Variants in COBL observed in about 807,000 individuals in gnomAD.
COBL encodes cordon-bleu WH2 repeat protein, also known as protein cordon-bleu.
In COBL, 51 loss-of-function variants were observed where a neutral mutation model predicts 98.8. That is an observed-to-expected ratio of 0.52 (90% CI 0.41 to 0.65). The LOEUF (loss-of-function observed/expected upper bound fraction) is 0.65. COBL is among the 30% of genes least tolerant of loss of function. The pLI is 0.00. For synonymous variants in COBL, 634 were observed against 651.7 expected (o/e 0.97, Z 0.41); for missense variants, 1,617 against 1,617.5 (o/e 1.00, Z 0.01).
At chr7:51,188,096 T>C (rs1789721632) in intron 4 of COBL, 3 of 665,818 alleles carry the variant, frequency 4.5e-6, no homozygotes, top group Non-Finnish European at 6.4e-6. Context: ...CTGGGTCAGC[T>C]TGCCTCTCTG....
intron 1 of COBL, among the ~76,000 whole-genome samples, chr7:51,257,849 A>T (rs1395456460): frequency 6.6e-6 from 1 of 152,176 alleles, no homozygotes; most frequent in Non-Finnish European, 1.5e-5. Flanking sequence ...CTAAAAGTTC[A>T]CTCAGATTTT....
intron 6 of COBL, among the ~76,000 whole-genome samples, chr7:51,105,851 C>T (rs1017549572): frequency 2.6e-5 from 4 of 151,906 alleles, no homozygotes; most frequent in African/African-American, 4.8e-5. Context: ...ACTTTAATTC[C>T]GCAGAATTTC....
At chr7:51,194,611 C>T (rs1192599619) in intron 2 of COBL, among the ~76,000 whole-genome samples, 1 of 152,156 alleles carries the variant, frequency 6.6e-6, no homozygotes, top group Non-Finnish European at 1.5e-5. Flanking sequence ...TCTCTGCAAC[C>T]TTACCAGCAT....
chr7:51,021,465 G>A (rs1786927263), intron 12 of COBL, among the ~76,000 whole-genome samples: 1 of 152,044 alleles, frequency 6.6e-6, no homozygotes, highest in Non-Finnish European at 1.5e-5. Context: ...CAAGGAGCTG[G>A]GACTACAGGC....
At chr7:51,058,304 T>A (rs1790969042) in intron 7 of COBL, among the ~76,000 whole-genome samples, 1 of 152,180 alleles carries the variant, frequency 6.6e-6, no homozygotes, top group Admixed American at 6.5e-5. Context: ...TCCCAGCACT[T>A]TGGGAGGCCG....
At chr7:51,184,285 C>T (rs1219083010) in intron 4 of COBL, 86 bp from the exon 5 acceptor site, 1 of 725,218 alleles carries the variant, frequency 1.4e-6, no homozygotes, top group Non-Finnish European at 2.2e-6. Context: ...TAAATGAATC[C>T]TCTACTCTTA....
At chr7:51,311,755 T>A (rs578235565) in intron 1 of COBL, among the ~76,000 whole-genome samples, 1 of 151,990 alleles carries the variant, frequency 6.6e-6, no homozygotes, top group East Asian at 1.9e-4. Context: ...CTCAAATAAA[T>A]GAAAATCATA....
chr7:51,221,455 C>G (rs1793631211), intron 1 of COBL, among the ~76,000 whole-genome samples: 2 of 152,186 alleles, frequency 1.3e-5, no homozygotes, highest in Non-Finnish European at 2.9e-5. Flanking sequence ...ATAATCTAAT[C>G]ATGCATCAAT....
chr7:51,083,367 C>G, intron 7 of COBL: 1 of 605,880 alleles, frequency 1.7e-6, no homozygotes, highest in Non-Finnish European at 2.8e-6. Flanking sequence ...CAGATCCAGT[C>G]ATATCCAGCA....
intron 12 of COBL, among the ~76,000 whole-genome samples, chr7:51,023,751 T>A (rs560730148): frequency 1.3e-5 from 2 of 152,340 alleles, no homozygotes; most frequent in East Asian, 1.9e-4. Flanking sequence ...TTCTCCATTG[T>A]GCCAGCAGTC....
intron 1 of COBL, among the ~76,000 whole-genome samples, chr7:51,310,762 G>A (rs987187624): frequency 1.3e-5 from 2 of 152,106 alleles, no homozygotes; most frequent in Non-Finnish European, 2.9e-5. Flanking sequence ...CGGTTCAAGC[G>A]ATTCTCCTGC....
intron 6 of COBL, among the ~76,000 whole-genome samples, chr7:51,123,509 A>G (rs929497018): frequency 2.6e-5 from 4 of 152,166 alleles, no homozygotes; most frequent in Non-Finnish European, 5.9e-5. Flanking sequence ...GGATGTTTCA[A>G]CTGCAGTAGG....
intron 1 of COBL, among the ~76,000 whole-genome samples, chr7:51,286,652 T>G (rs1469190598): frequency 6.6e-6 from 1 of 152,182 alleles, no homozygotes; most frequent in Non-Finnish European, 1.5e-5. Flanking sequence ...ATACATACAC[T>G]GTTGATGGGA....
intron 5 of COBL, among the ~76,000 whole-genome samples, chr7:51,153,112 A>G (rs1217007917): frequency 6.6e-6 from 1 of 152,238 alleles, no homozygotes; most frequent in Non-Finnish European, 1.5e-5. Flanking sequence ...TGTGGGTCCC[A>G]GCTGCCATGG....
At chr7:51,300,342 G>T (rs1801822716) in intron 1 of COBL, among the ~76,000 whole-genome samples, 2 of 152,164 alleles carry the variant, frequency 1.3e-5, no homozygotes, top group Non-Finnish European at 2.9e-5. Flanking sequence ...TATATTTTTA[G>T]TAGCGATGGG....
intron 3 of COBL, among the ~76,000 whole-genome samples, chr7:51,191,863 T>C (rs767280062): frequency 5.3e-5 from 8 of 152,178 alleles, no homozygotes; most frequent in Non-Finnish European, 8.8e-5. Context: ...ACAGTAAATG[T>C]AGATTGAACA....
intron 10 of COBL, among the ~76,000 whole-genome samples, chr7:51,027,143 T>C (rs1307657579): frequency 1.3e-5 from 2 of 152,234 alleles, no homozygotes; most frequent in Non-Finnish European, 2.9e-5. Context: ...ACGAGGCCCC[T>C]TGGCCTCACT....
At chr7:51,047,290 A>G (rs974876177) in intron 7 of COBL, among the ~76,000 whole-genome samples, 2 of 152,226 alleles carry the variant, frequency 1.3e-5, no homozygotes, top group Non-Finnish European at 2.9e-5. Context: ...TGAGTAAGGA[A>G]TATTAACCCT....
intron 6 of COBL, among the ~76,000 whole-genome samples, chr7:51,087,143 CAT>C (rs1478141848): frequency 2.1e-5 from 3 of 145,800 alleles, no homozygotes; most frequent in African/African-American, 7.6e-5. Flanking sequence ...CACACAGAGA[CAT>C]ACACACACAC....
Sources: gnomAD v4.1 joint callset for allele counts (sites outside exome capture counted in the v4.1 genomes callset) on GRCh38, gnomAD v4.1.1 for gene constraint, MANE v1.5 for transcripts, NCBI Gene and HGNC (gene_info 2026-07-23, HGNC 2026-07-21) for gene names.